Variants in ADAM18 observed in about 807,000 individuals in gnomAD.
The protein encoded by ADAM18 is disintegrin and metalloproteinase domain-containing protein 18.
A neutral mutation model predicts 94.4 loss-of-function variants in ADAM18; 117 were observed. The ratio of observed to expected loss-of-function variants is 1.24; its 90% confidence interval spans 1.07 to 1.45. The LOEUF (loss-of-function observed/expected upper bound fraction) is 1.45, where lower values mean the gene tolerates loss of function less well. Ranked by LOEUF, ADAM18 falls within the 40% of genes most tolerant of loss-of-function variation. The pLI is 0.00. For synonymous variants in ADAM18, 327 were observed against 291.6 expected (o/e 1.12, Z -1.24); for missense variants, 936 against 880.0 (o/e 1.06, Z -0.81).
chr8:39,695,607 C>T (rs1030496765), intron 17 of ADAM18, among the ~76,000 whole-genome samples: 1 of 151,068 alleles, frequency 6.6e-6, no homozygotes, highest in Non-Finnish European at 1.5e-5. Context: ...TCCCCTAGCC[C>T]CTGGTATCCA....
intron 17 of ADAM18, 57 bp from the exon 18 acceptor site, chr8:39,706,733 T>C: frequency 1.1e-6 from 1 of 878,770 alleles, no homozygotes; most frequent in Non-Finnish European, 1.8e-6. Context: ...ACAAAGACCT[T>C]GTATCAGATA....
chr8:39,701,537 T>C (rs1469844773), intron 17 of ADAM18, among the ~76,000 whole-genome samples: 2 of 152,154 alleles, frequency 1.3e-5, no homozygotes, highest in Non-Finnish European at 2.9e-5. Flanking sequence ...TTTTGTTACA[T>C]AGGTGAACAT....
chr8:39,707,245 G>A (rs1822265725), intron 18 of ADAM18, among the ~76,000 whole-genome samples: 1 of 152,136 alleles, frequency 6.6e-6, no homozygotes, highest in South Asian at 2.1e-4. Context: ...GAAGACTGTG[G>A]CAGCTGATTT....
chr8:39,657,185 T>C (rs1323876733), intron 12 of ADAM18, among the ~76,000 whole-genome samples: 1 of 152,196 alleles, frequency 6.6e-6, no homozygotes, highest in African/African-American at 2.4e-5. Flanking sequence ...AAACATTATT[T>C]TGAGCAAGAT....
chr8:39,587,634 T>C (rs1458564096), intron 2 of ADAM18, among the ~76,000 whole-genome samples: 1 of 152,058 alleles, frequency 6.6e-6, no homozygotes, highest in African/African-American at 2.4e-5. Flanking sequence ...TTAGTAGAGA[T>C]GGAGTTTCCC....
At chr8:39,691,877 T>A (rs912312537) in intron 16 of ADAM18, among the ~76,000 whole-genome samples, 2 of 151,902 alleles carry the variant, frequency 1.3e-5, no homozygotes, top group African/African-American at 4.8e-5. Flanking sequence ...ATGCAACTTA[T>A]AATCTATAAA....
intron 17 of ADAM18, among the ~76,000 whole-genome samples, chr8:39,699,022 A>G (rs1821996728): frequency 6.6e-6 from 1 of 151,944 alleles, no homozygotes; most frequent in Admixed American, 6.6e-5. Flanking sequence ...TCACAACTCC[A>G]CTTTCCAACC....
At position 39,584,618 on chromosome 8, in the gene ADAM18, G is replaced by T; in HGVS notation, c.-5G>T. On this transcript the variant is annotated 5_prime_UTR_variant, in exon 1 of 20. Transcript: ENST00000265707. The stretch of plus-strand genomic sequence containing the variant: ...TGGCTGTGGCTCCTGCGCTCTGGCT[G>T]AGCCATGTTCCTTCTCCTCGCCCTC... 1 of 1,612,810 alleles carries T rather than the reference G, an allele frequency of 6.2e-7. No homozygotes were observed.
intron 17 of ADAM18, among the ~76,000 whole-genome samples, chr8:39,697,832 A>C (rs979088858): frequency 6.6e-6 from 1 of 151,692 alleles, no homozygotes; most frequent in South Asian, 2.1e-4. Flanking sequence ...AGTCAGATGC[A>C]TTTTACTTTT....
At position 39,604,010 on chromosome 8, in the gene ADAM18, C is replaced by T. The variant is rs537139440; in HGVS notation, c.133-2297C>T. Among the ~76,000 whole-genome samples the T allele has an allele frequency of 1.2e-4, 19 of 152,260 alleles. No homozygotes were observed. The South Asian group carries it at 1.9e-3, about 15-fold the overall frequency. On this transcript the variant is annotated intron_variant, in intron 2 of 19. Transcript: ENST00000265707. ...TGATTTACTTAAAAATCATCAGTTA[C>T]GTGGTCATTTATATCATCTATAATT... is the stretch of plus-strand genomic sequence containing the variant.
rs145534793 is a variant in ADAM18, at chr8:39,677,094, A to G, written c.1526-337A>G. ...ATATAAGTTCCAGAGGTTTCTGTCC[A>G]TAAGTGACATGCTTCAAATTCCTCA... On this transcript the variant is annotated intron_variant, in intron 14 of 19. Coordinates refer to ENST00000265707, the MANE Select transcript of ADAM18 (RefSeq NM_014237.3). 2.7e-3 allele frequency among the ~76,000 whole-genome samples: 407 copies of G among 152,362 alleles called. 5 individuals are homozygous for G. Among genetic ancestry groups the G allele is most frequent in the African/African-American group, 9.4e-3 (391 of 41,588 alleles).
intron 12 of ADAM18, among the ~76,000 whole-genome samples, chr8:39,661,411 T>C (rs1487591103): frequency 6.7e-6 from 1 of 149,414 alleles, no homozygotes; most frequent in Non-Finnish European, 1.5e-5. Context: ...CCTGACCTCG[T>C]GATCCGCCTT....
chr8:39,670,256 C>T (rs947715323), intron 14 of ADAM18, among the ~76,000 whole-genome samples: 2 of 152,064 alleles, frequency 1.3e-5, no homozygotes, highest in Admixed American at 6.6e-5. Flanking sequence ...GAATGTTTAG[C>T]AAAATGTATA....
chr8:39,648,209 C>A, intron 11 of ADAM18, 135 bp from the exon 12 acceptor site: 3 of 559,380 alleles, frequency 5.4e-6, no homozygotes, highest in Non-Finnish European at 8.8e-6. Context: ...ATTTAATTAT[C>A]CTTGGTTGAA....
intron 11 of ADAM18, 68 bp from the exon 12 acceptor site, chr8:39,648,276 T>C: frequency 1.6e-6 from 2 of 1,281,274 alleles, no homozygotes; most frequent in East Asian, 2.5e-5. Context: ...TGATTATGTA[T>C]GGAGTGTTGT....
chr8:39,626,786 T>A (rs1017726328), intron 6 of ADAM18, among the ~76,000 whole-genome samples: 1 of 152,154 alleles, frequency 6.6e-6, no homozygotes, highest in African/African-American at 2.4e-5. Flanking sequence ...TAATTTTGAT[T>A]TTTAAAAAAT....
At chr8:39,628,408 GATAGATCA>G (rs1282144426) in intron 6 of ADAM18, among the ~76,000 whole-genome samples, 1 of 136,112 alleles carries the variant, frequency 7.3e-6, no homozygotes, top group Non-Finnish European at 1.6e-5. Context: ...TTGATAGACT[GATAGATCA>G]ATAGATAGAT....
At chr8:39,602,766 T>G (rs994982628) in intron 2 of ADAM18, among the ~76,000 whole-genome samples, 1 of 141,986 alleles carries the variant, frequency 7.0e-6, no homozygotes, top group Non-Finnish European at 1.5e-5. Context: ...TTCATTCTTT[T>G]AATAATGTCT....
intron 7 of ADAM18, among the ~76,000 whole-genome samples, chr8:39,632,507 A>C (rs1441929545): frequency 6.6e-6 from 1 of 152,078 alleles, no homozygotes; most frequent in Admixed American, 6.6e-5. Flanking sequence ...TCTAAAATAC[A>C]CCCTACTTAT....
Sources: gnomAD v4.1 joint callset for allele counts (sites outside exome capture counted in the v4.1 genomes callset) on GRCh38, gnomAD v4.1.1 for gene constraint, MANE v1.5 for transcripts, NCBI Gene and HGNC (gene_info 2026-07-23, HGNC 2026-07-21) for gene names.